The following DEPDC4 variants were observed in gnomAD, a reference collection of about 807,000 sequenced individuals.
The protein encoded by DEPDC4 is DEP domain-containing protein 4.
A neutral mutation model predicts 52.0 loss-of-function variants in DEPDC4; 52 were observed. The observed-to-expected ratio is 1.00, with a 90% CI of 0.80 to 1.26. DEPDC4 has a LOEUF of 1.26. Among genes scored for constraint, DEPDC4 ranks in the 50% most tolerant of loss-of-function variants. The pLI is 0.00. For missense variants in DEPDC4, 530 were observed against 546.9 expected, an observed-to-expected ratio of 0.97 and a Z score of 0.31; for synonymous variants, 201 against 196.8, an observed-to-expected ratio of 1.02 and a Z score of -0.18.
downstream of DEPDC4, among the ~76,000 whole-genome samples, chr12:100,235,890 G>C (rs1255443489): frequency 6.6e-6 from 1 of 152,026 alleles, no homozygotes; most frequent in East Asian, 1.9e-4. Context: ...ATCACTCTTA[G>C]GCCTTTGCAT....
At chr12:100,237,207 CTT>C (rs55710732), downstream of DEPDC4, among the ~76,000 whole-genome samples, 55 of 136,116 alleles carry the variant, frequency 4.0e-4, no homozygotes, top group Non-Finnish European at 4.4e-4. Flanking sequence ...TTTTCTTTTT[CTT>C]TTTTTTTTTT....
chr12:100,254,504 T>C (rs2096223750), intron 4 of DEPDC4, among the ~76,000 whole-genome samples: 2 of 152,064 alleles, frequency 1.3e-5, no homozygotes, highest in South Asian at 2.1e-4. Context: ...TTTTGTATTT[T>C]GCATAGAGAC....
the DEPDC4 span, among the ~76,000 whole-genome samples, chr12:100,276,224 C>G: frequency 6.6e-6 from 1 of 151,796 alleles, no homozygotes; most frequent in Non-Finnish European, 1.5e-5. Context: ...TGATTTTTTT[C>G]CTTAAATGTT....
chr12:100,242,342 T>C (rs1770530328), intron 9 of DEPDC4, 144 bp downstream of exon 9: 3 of 151,238 alleles, frequency 2.0e-5, no homozygotes, highest in Admixed American at 2.0e-4. Context: ...TTTTTTTTTT[T>C]TGCCTATCTT....
intron 4 of DEPDC4, among the ~76,000 whole-genome samples, chr12:100,254,681 C>T (rs906651436): frequency 6.6e-6 from 1 of 151,924 alleles, no homozygotes; most frequent in African/African-American, 2.4e-5. Context: ...ACCTCCCTCT[C>T]TCCTTTCCTT....
At position 100,267,020 on chromosome 12, in the gene DEPDC4, C is replaced by G. The variant is rs2096277193; in HGVS notation, c.57G>C (p.Arg19Ser). 6.2e-7 allele frequency: 1 copy of G among 1,613,942 alleles called. No homozygotes were observed. Among genetic ancestry groups the G allele is most frequent in the Non-Finnish European group, 8.5e-7 (1 of 1,179,964 alleles). ...RELMAVLLTP[R>S]FRRLVSQNEL... Reference sequence around the variant, plus strand: ...CGTTCTGACTGACAAGTCTACGGAACCTCGGAGTCAAAAGAACCGCCATAA... The same window carrying G: ...CGTTCTGACTGACAAGTCTACGGAAGCTCGGAGTCAAAAGAACCGCCATAA... The change falls in exon 1 of 10, where the codon AGG (arginine) becomes AGC (serine). Residue 19 changes from arginine (R) to serine (S), a missense_variant. Transcript: ENST00000550587.
chr12:100,274,397 C>G, the DEPDC4 span, among the ~76,000 whole-genome samples: 1 of 152,100 alleles, frequency 6.6e-6, no homozygotes, highest in African/African-American at 2.4e-5. Context: ...TTATCAAAAC[C>G]TTGGAGTTTA....
chr12:100,253,317 A>G (rs2096216748), intron 5 of DEPDC4, among the ~76,000 whole-genome samples, 172 bp downstream of exon 5: 2 of 152,218 alleles, frequency 1.3e-5, no homozygotes, highest in African/African-American at 4.8e-5. Flanking sequence ...TATAATTTAC[A>G]AGGTAGGCAA....
In DEPDC4 at chr12:100,243,173, T is replaced by A. The variant is rs753954002; in HGVS notation, c.1454-604A>T. On this transcript the variant is annotated intron_variant, in intron 8 of 9. Coordinates refer to ENST00000550587, the MANE Select transcript of DEPDC4 (RefSeq NM_001364818.2). Reference sequence around the variant, plus strand: ...AATGTGGTCTCTCTTTCTTAAAATATCTTATTGTACCATACTCACCTATTT... The same window carrying A: ...AATGTGGTCTCTCTTTCTTAAAATAACTTATTGTACCATACTCACCTATTT... Among the ~76,000 whole-genome samples the A allele has an allele frequency of 6.6e-5, 10 of 152,284 alleles. No individual in the cohort carries two copies. In the South Asian group the frequency reaches 1.0e-3, roughly 16 times the overall value.
Position 100,263,821 on chromosome 12 carries a change from A to G in DEPDC4, c.230T>C (p.Ile77Thr). Residue 77 changes from isoleucine (I) to threonine (T), a missense_variant, in exon 2 of 10, where the codon ATA (isoleucine) becomes ACA (threonine). Transcript: ENST00000550587. ...CTGTAAATGATGCCTCCTTCTTTTT[A>G]TTTCCACTTGGGCCTGAAGAGAGTG... ...IIHSLQAQVE[I>T]KRRRHHLQTY... is the part of the protein sequence containing the mutation. 2.5e-6 allele frequency: 4 copies of G among 1,614,166 alleles called. No individual in the cohort carries two copies. The highest frequency in any genetic ancestry group is 3.4e-6 in the Non-Finnish European group (4 of 1,180,018).
At chr12:100,240,024 T>C (rs2096152341), downstream of DEPDC4, among the ~76,000 whole-genome samples, 1 of 152,202 alleles carries the variant, frequency 6.6e-6, no homozygotes, top group African/African-American at 2.4e-5. Flanking sequence ...TCAAGATGAC[T>C]GATAAAGGTT....
At position 100,255,960 on chromosome 12, in the gene DEPDC4, T is replaced by C. The variant is rs1592892892; in HGVS notation, c.878+89A>G. 3.3e-6 allele frequency: 3 copies of C among 920,704 alleles called. No homozygotes were observed. The East Asian group carries it at 7.4e-5, about 23-fold the overall frequency. 57.0% of individuals were successfully genotyped at this position (920,704 alleles called of 1,614,324 possible). A position where few individuals can be genotyped will look rare whatever the true frequency, so the allele number is the denominator to read the frequency against. ...AGAGAGATAGTATAAGCTTATAACA[T>C]GAATATTTTCTCACATCCTAAAATA... On this transcript the variant is annotated intron_variant, in intron 4 of 9. Transcript: ENST00000550587.
the DEPDC4 span, among the ~76,000 whole-genome samples, chr12:100,278,791 A>G: frequency 6.6e-6 from 1 of 151,632 alleles, no homozygotes; most frequent in African/African-American, 2.4e-5. Context: ...CACCATGCCC[A>G]GTTAATTTTT....
upstream of DEPDC4, chr12:100,267,350 G>C (rs1301530341): frequency 2.9e-6 from 1 of 343,308 alleles, no homozygotes; most frequent in Non-Finnish European, 5.3e-6. Context: ...TATTAGGGGG[G>C]CGGGGGGAAA....
At chr12:100,271,370 C>T (rs963848893), upstream of DEPDC4, among the ~76,000 whole-genome samples, 1 of 151,704 alleles carries the variant, frequency 6.6e-6, no homozygotes, top group South Asian at 2.1e-4. Context: ...CGTATTTTCC[C>T]CCAGATTTTG....
At chr12:100,247,515 T>C (rs2096191134) in intron 8 of DEPDC4, among the ~76,000 whole-genome samples, 1 of 152,132 alleles carries the variant, frequency 6.6e-6, no homozygotes, top group African/African-American at 2.4e-5. Context: ...CTAGCATATA[T>C]TGTTGAATAG....
At chr12:100,261,444 G>A (rs2096253346) in intron 3 of DEPDC4, among the ~76,000 whole-genome samples, 1 of 152,130 alleles carries the variant, frequency 6.6e-6, no homozygotes, top group African/African-American at 2.4e-5. Flanking sequence ...GGCATTTTAA[G>A]GAGAAAAACA....
intron 2 of DEPDC4, 43 bp downstream of exon 2, chr12:100,263,454 G>A (rs759028468): frequency 1.1e-5 from 16 of 1,449,118 alleles, no homozygotes; most frequent in Non-Finnish European, 1.5e-5. Flanking sequence ...AGTTCTTCTA[G>A]GGTCTAAATA....
rs564981258 is a variant in DEPDC4, at chr12:100,260,470, G to A, written c.700+1794C>T. ...TTTAGTTTGAAATTTCTAGAGGTAC[G>A]TCATGACCTCAAGAAAAAATAATGG... On this transcript the variant is annotated intron_variant, in intron 3 of 9. Transcript: ENST00000550587. Among the ~76,000 whole-genome samples, 187 of 151,854 alleles carry A rather than the reference G, an allele frequency of 1.2e-3. 1 individual carries two copies. In the Middle Eastern group the frequency reaches 0.014, roughly 11 times the overall value.
Sources: gnomAD v4.1 joint callset for allele counts (sites outside exome capture counted in the v4.1 genomes callset) on GRCh38, gnomAD v4.1.1 for gene constraint, MANE v1.5 for transcripts, NCBI Gene and HGNC (gene_info 2026-07-23, HGNC 2026-07-21) for gene names.